PCDHA9: variants seen among roughly 807,000 people sequenced by gnomAD.
PCDHA9 encodes protocadherin alpha 9.
A neutral mutation model predicts 62.0 loss-of-function variants in PCDHA9; 62 were observed. The ratio of observed to expected loss-of-function variants is 1.00; its 90% confidence interval spans 0.81 to 1.23. The LOEUF (loss-of-function observed/expected upper bound fraction) is 1.23. PCDHA9 is among the 50% of genes most tolerant of loss of function. The probability of loss-of-function intolerance (pLI) is 0.00; values close to 1 mark genes in which losing one functional copy is unlikely to be tolerated. For missense variants in PCDHA9, 1,205 were observed against 1,249.8 expected (o/e 0.96, Z 0.54); for synonymous variants, 557 against 567.6 (o/e 0.98, Z 0.27).
At chr5:140,886,746 A>C (rs2061113111) in intron 1 of PCDHA9, among the ~76,000 whole-genome samples, 1 of 151,722 alleles carries the variant, frequency 6.6e-6, no homozygotes. Context: ...GAATTGCTTG[A>C]ACCCGGGAGG....
In PCDHA9 at chr5:140,850,407, G is replaced by C; in HGVS notation, c.1912G>C (p.Asp638His). The change falls in exon 1 of 4, where the codon GAC becomes CAC. Residue 638 changes from aspartate (D) to histidine (H), a missense_variant. Asp to His is a moderately conservative substitution (Grantham distance 81, BLOSUM62 -1). Coordinates refer to ENST00000532602, the MANE Select transcript of PCDHA9 (RefSeq NM_031857.2). ...TGEISTTRAL[D>H]ETDAPRQRLL... ...CGAGATCAGCACAACGCGTGCCCTGGACGAAACGGACGCACCGCGCCAGCG... is the reference window on the plus strand; with the variant it reads ...CGAGATCAGCACAACGCGTGCCCTGCACGAAACGGACGCACCGCGCCAGCG... The C allele has an allele frequency of 6.3e-7, 1 of 1,597,938 alleles. No homozygotes were observed. The highest frequency in any genetic ancestry group is 8.6e-7 in the Non-Finnish European group (1 of 1,167,708).
Position 140,913,476 on chromosome 5 carries a change from T to G in PCDHA9, c.2394+62587T>G, listed in dbSNP as rs191224245. On this transcript the variant is annotated intron_variant, in intron 1 of 3. Transcript: ENST00000532602. ...TTTATTTACTTGGGTCTTCTCTCTT[T>G]TTTTCTTCATTAGTCTGTTTAAAAC... Among the ~76,000 whole-genome samples the G allele has an allele frequency of 5.9e-3, 899 of 152,286 alleles. 12 individuals carry two copies. Among genetic ancestry groups the G allele is most frequent in the African/African-American group, 0.02 (842 of 41,576 alleles).
intron 1 of PCDHA9, chr5:140,868,478 AT>A (rs1444050987): frequency 1.3e-5 from 2 of 152,364 alleles, no homozygotes; most frequent in Non-Finnish European, 2.9e-5. Flanking sequence ...TAAAACTTCA[AT>A]TTTTTCTTTG....
At chr5:141,004,367 T>C (rs1281168288) in intron 3 of PCDHA9, among the ~76,000 whole-genome samples, 5 of 152,198 alleles carry the variant, frequency 3.3e-5, no homozygotes, top group Non-Finnish European at 5.9e-5. Context: ...CCACACCTTG[T>C]TCTGCTCTGC....
rs182070121 is a variant in PCDHA9, at chr5:140,953,927, G to A, written c.2395-25022G>A. On this transcript the variant is annotated intron_variant, in intron 1 of 3. Coordinates refer to ENST00000532602, the MANE Select transcript of PCDHA9 (RefSeq NM_031857.2). ...GCATCCATTAGGTATTCTTCCTGAT[G>A]CTCTCCCTCCCATTGCTCCCCCAAC... Among the ~76,000 whole-genome samples the A allele has an allele frequency of 2.1e-3, 313 of 152,142 alleles. 1 individual carries two copies. The highest frequency in any genetic ancestry group is 7.1e-3 in the African/African-American group (295 of 41,500).
chr5:140,879,003 G>C (rs781827510), intron 1 of PCDHA9, among the ~76,000 whole-genome samples: 1 of 152,144 alleles, frequency 6.6e-6, no homozygotes, highest in African/African-American at 2.4e-5. Flanking sequence ...GTATGCCCTA[G>C]AAATCAGATA....
chr5:140,900,233 GT>G (rs1261263702), intron 1 of PCDHA9, among the ~76,000 whole-genome samples: 15 of 151,946 alleles, frequency 9.9e-5, no homozygotes, highest in African/African-American at 2.7e-4. Context: ...ACTGGATCTT[GT>G]TTTTTTTATG....
At chr5:140,903,166 T>C (rs758397398) in intron 1 of PCDHA9, among the ~76,000 whole-genome samples, 34 of 152,226 alleles carry the variant, frequency 2.2e-4, no homozygotes, top group Non-Finnish European at 2.5e-4. Context: ...TGTGCTGGTT[T>C]ACATTCCCAC....
intron 3 of PCDHA9, among the ~76,000 whole-genome samples, chr5:140,991,081 AAAATT>A (rs782742337): frequency 6.6e-6 from 1 of 152,236 alleles, no homozygotes. Flanking sequence ...TTCAGATAAA[AAAATT>A]AAAGCTCATA....
At chr5:141,006,828 G>A (rs1554260937) in intron 3 of PCDHA9, among the ~76,000 whole-genome samples, 1 of 152,162 alleles carries the variant, frequency 6.6e-6, no homozygotes, top group Non-Finnish European at 1.5e-5. Context: ...TAAATGGGGT[G>A]TAATTTACTG....
chr5:140,877,076 T>G, intron 1 of PCDHA9: 1 of 1,613,022 alleles, frequency 6.2e-7, no homozygotes, highest in Non-Finnish European at 8.5e-7. Context: ...CAGTTCCAGG[T>G]GAGCGCGCGC....
At chr5:140,919,050 G>T (rs2153552038) in intron 1 of PCDHA9, among the ~76,000 whole-genome samples, 1 of 152,302 alleles carries the variant, frequency 6.6e-6, no homozygotes, top group Admixed American at 6.5e-5. Context: ...ATTATTGGAA[G>T]TGGAGTATTA....
chr5:140,862,916 G>A, intron 1 of PCDHA9: 1 of 547,890 alleles, frequency 1.8e-6, no homozygotes, highest in Non-Finnish European at 3.5e-6. Context: ...CTGGCGCCTT[G>A]GGTGGGCTGG....
In PCDHA9 at chr5:140,849,868, C is replaced by T. The variant is rs1554143431; in HGVS notation, c.1373C>T (p.Ser458Phe). 16 of 1,598,490 alleles carry T rather than the reference C, an allele frequency of 1.0e-5. 1 individual carries two copies. In the Middle Eastern group the frequency reaches 6.8e-4, roughly 68 times the overall value. The change falls in exon 1 of 4, where the codon TCC (serine) becomes TTC (phenylalanine). Residue 458 changes from serine (S) to phenylalanine (F), a missense_variant. Transcript: ENST00000532602. ...GACAACGCACCAGCGTTCGCGCAGT[C>T]CGAGTACACGGTGTTCGTGAAGGAG... ...VNDNAPAFAQ[S>F]EYTVFVKENN... is the part of the protein sequence containing the mutation.
intron 1 of PCDHA9, among the ~76,000 whole-genome samples, chr5:140,964,981 T>C (rs2095867317): frequency 6.6e-6 from 1 of 152,188 alleles, no homozygotes; most frequent in Non-Finnish European, 1.5e-5. Context: ...ATGTGCTAGT[T>C]CAGGCCTTTG....
At chr5:141,003,046 A>C (rs530303478) in intron 3 of PCDHA9, among the ~76,000 whole-genome samples, 76 of 152,356 alleles carry the variant, frequency 5.0e-4, no homozygotes, top group African/African-American at 1.8e-3. Context: ...TCCTGGCCTT[A>C]ACAGAACAGT....
intron 3 of PCDHA9, among the ~76,000 whole-genome samples, chr5:140,985,834 G>T (rs550087572): frequency 1.3e-5 from 2 of 150,860 alleles, no homozygotes; most frequent in South Asian, 4.2e-4. Flanking sequence ...CTGCCTCCCG[G>T]GTTCATGCCA....
rs544594142 is a variant in PCDHA9, at chr5:141,011,456, T to C, written c.*1519T>C. On this transcript the variant is annotated 3_prime_UTR_variant, in exon 4 of 4. Transcript: ENST00000532602. Reference sequence around the variant, plus strand: ...TACCTAGAGTGAACTTTAAGCTTTATTGTTGAATGTAATTCCATTATATTT... The same window carrying C: ...TACCTAGAGTGAACTTTAAGCTTTACTGTTGAATGTAATTCCATTATATTT... The C allele has an allele frequency of 1.3e-5, 2 of 153,928 alleles. No homozygotes were observed. The highest frequency in any genetic ancestry group is 6.8e-3 in the Middle Eastern group (2 of 292). 9.5% of individuals were successfully genotyped at this position (153,928 alleles called of 1,614,324 possible).
chr5:140,870,310 T>G, intron 1 of PCDHA9: 1 of 1,614,122 alleles, frequency 6.2e-7, no homozygotes, highest in South Asian at 1.1e-5. Flanking sequence ...CTTCAAGAAT[T>G]ACTACTCGTT....
Sources: allele counts gnomAD v4.1 joint callset (sites outside exome capture counted in the v4.1 genomes callset), GRCh38; gene constraint gnomAD v4.1.1; transcripts MANE v1.5; gene names NCBI Gene and HGNC (gene_info 2026-07-23, HGNC 2026-07-21).